Variants in SORCS2 observed in about 807,000 individuals in gnomAD.
The protein encoded by SORCS2 is sortilin related VPS10 domain containing receptor 2, also known as VPS10 domain-containing receptor SorCS2.
In SORCS2, 100 loss-of-function variants were observed where a neutral mutation model predicts 141.6. The ratio of observed to expected loss-of-function variants is 0.71; its 90% CI spans 0.60 to 0.83. The LOEUF (loss-of-function observed/expected upper bound fraction) is 0.83. Ranked by LOEUF, SORCS2 falls within the 40% of genes least tolerant of loss-of-function variation. SORCS2 has a pLI of 0.00. For synonymous variants in SORCS2, 789 were observed against 676.9 expected (o/e 1.17, Z -2.57); for missense variants, 1,646 against 1,560.2 (o/e 1.05, Z -0.93).
chr4:7,447,295 G>A (rs1176686476), intron 2 of SORCS2, among the ~76,000 whole-genome samples: 1 of 152,176 alleles, frequency 6.6e-6, no homozygotes, highest in Non-Finnish European at 1.5e-5. Context: ...TCCCCTGCCT[G>A]TGTGAGCTGA....
intron 2 of SORCS2, among the ~76,000 whole-genome samples, chr4:7,501,852 A>G (rs1443712320): frequency 6.6e-6 from 1 of 152,204 alleles, no homozygotes; most frequent in Non-Finnish European, 1.5e-5. Context: ...CTTAATTTCT[A>G]CTGTAATTAC....
At chr4:7,373,079 A>G (rs867557213) in intron 1 of SORCS2, among the ~76,000 whole-genome samples, 4 of 145,454 alleles carry the variant, frequency 2.8e-5, no homozygotes, top group African/African-American at 5.1e-5. Flanking sequence ...GTGTGGATGT[A>G]TGCTTCATTG....
At chr4:7,383,526 T>C (rs1393047413) in intron 1 of SORCS2, among the ~76,000 whole-genome samples, 9 of 152,322 alleles carry the variant, frequency 5.9e-5, no homozygotes, top group Middle Eastern at 6.8e-3. Context: ...GGGGAGAGCA[T>C]TGGAGCCTGG....
At position 7,648,438 on chromosome 4, in the gene SORCS2, G is replaced by T. The variant is rs1199075661; in HGVS notation, c.814-5696G>T. ...CAGAGTAGGCCTGATGTCACCCCCA[G>T]GCAGCAGCGACCTTGGGACTCAGCC... On this transcript the variant is annotated intron_variant, in intron 4 of 26. Coordinates refer to ENST00000507866, the MANE Select transcript of SORCS2 (RefSeq NM_020777.3). The surrounding 1 kb of genome is among the most constrained non-coding windows in gnomAD (Gnocchi z 4.2). 2.6e-5 allele frequency among the ~76,000 whole-genome samples: 4 copies of T among 152,114 alleles called. No individual in the cohort carries two copies. The highest frequency in any genetic ancestry group is 9.7e-5 in the African/African-American group (4 of 41,414).
intron 2 of SORCS2, among the ~76,000 whole-genome samples, chr4:7,457,364 G>C (rs1302941540): frequency 6.6e-6 from 1 of 152,232 alleles, no homozygotes; most frequent in Non-Finnish European, 1.5e-5. Context: ...CAGCACCTGG[G>C]CCCCGAGTGG....
intron 10 of SORCS2, among the ~76,000 whole-genome samples, chr4:7,688,143 A>G (rs2108980812): frequency 6.6e-6 from 1 of 152,348 alleles, no homozygotes. Flanking sequence ...TTCATGGGCC[A>G]GAAGAAAGTG....
chr4:7,486,701 G>T (rs764806163), intron 2 of SORCS2, among the ~76,000 whole-genome samples: 1 of 152,162 alleles, frequency 6.6e-6, no homozygotes, highest in South Asian at 2.1e-4. Flanking sequence ...GCCTCCAAAG[G>T]AGGATCCCTC....
intron 8 of SORCS2, among the ~76,000 whole-genome samples, chr4:7,673,555 G>GA (rs960418051): frequency 9.9e-5 from 15 of 152,242 alleles, no homozygotes; most frequent in African/African-American, 2.9e-4. Context: ...AACTACACAT[G>GA]AAAAAAATAT....
intron 25 of SORCS2, 87 bp from the exon 26 acceptor site, chr4:7,736,982 T>C (rs1712231386): frequency 1.3e-6 from 2 of 1,506,338 alleles, no homozygotes; most frequent in Non-Finnish European, 1.8e-6. Flanking sequence ...CCACACTCGG[T>C]GTGGTCAGGC....
Position 7,249,134 on chromosome 4 carries a change from C to G in SORCS2, c.480+56008C>G, listed in dbSNP as rs549595374. ...TGGTTATATGGGTTAACTGGATCCC[C>G]TGAATAGTTCTTGCTTGCTTGTGTT... On this transcript the variant is annotated intron_variant, in intron 1 of 26. Coordinates refer to ENST00000507866, the MANE Select transcript of SORCS2 (RefSeq NM_020777.3). Among the ~76,000 whole-genome samples, 3 of 152,314 alleles carry G rather than the reference C, an allele frequency of 2.0e-5. No individual in the cohort carries two copies. In the East Asian group the frequency reaches 5.8e-4, roughly 29 times the overall value.
chr4:7,565,062 G>A (rs1459619125), intron 3 of SORCS2, among the ~76,000 whole-genome samples: 2 of 152,138 alleles, frequency 1.3e-5, no homozygotes, highest in Non-Finnish European at 2.9e-5. Context: ...TAGCTACCTC[G>A]AGCCAAAGGT....
intron 1 of SORCS2, among the ~76,000 whole-genome samples, chr4:7,356,495 G>C (rs1245962380): frequency 6.6e-6 from 1 of 152,014 alleles, no homozygotes; most frequent in Non-Finnish European, 1.5e-5. Context: ...GAGAGATGGA[G>C]AGAGATGGAG....
rs77212556 is a variant in SORCS2 at position 7,361,783 on chromosome 4, C to T, written c.481-34505C>T. ...GTGGCTAAGAAAAAAAAAAACACAA[C>T]GAACGCAGGTGGAATGCTAATGCCG... On this transcript the variant is annotated intron_variant, in intron 1 of 26. Transcript: ENST00000507866. Among the ~76,000 whole-genome samples the T allele has an allele frequency of 1.4e-3, 210 of 151,722 alleles. 1 individual carries two copies. The highest frequency in any genetic ancestry group is 4.3e-3 in the African/African-American group (179 of 41,388).
chr4:7,215,041 C>T (rs982688054), intron 1 of SORCS2, among the ~76,000 whole-genome samples: 6 of 152,066 alleles, frequency 3.9e-5, no homozygotes. Flanking sequence ...CTTGAGGAGC[C>T]CTTCAGCCCA....
chr4:7,714,395 A>G, intron 16 of SORCS2, 22 bp downstream of exon 16: 1 of 1,547,232 alleles, frequency 6.5e-7, no homozygotes, highest in East Asian at 2.4e-5. Flanking sequence ...GCTCCTGGCC[A>G]CGAGGCCTCA....
rs144933241 is a variant in SORCS2, at chr4:7,543,487, T to TCATCCATC, written c.648+11884_648+11891dup. Among the ~76,000 whole-genome samples the TCATCCATC allele has an allele frequency of 4.3e-3, 487 of 114,142 alleles. 8 individuals carry two copies. Among genetic ancestry groups the TCATCCATC allele is most frequent in the African/African-American group, 0.015 (419 of 27,662 alleles). The allele number at this position is 114,142 out of a possible 152,430, so 74.9% of individuals were successfully genotyped here. ...TCCACCCACCCATCCATTCACCCAC[T>TCATCCATC]CATCCATCCATCCATCCATCCATCC... On this transcript the variant is annotated intron_variant, in intron 3 of 26. Transcript: ENST00000507866.
In SORCS2 at chr4:7,203,515, C is replaced by T. The variant is rs1040884512; in HGVS notation, c.480+10389C>T. ...GCCTGGGCGACAGAGCAAGACTCTG[C>T]CTCAAAAAAAATTCTTTTTTCTTTA... is the stretch of plus-strand genomic sequence containing the variant. On this transcript the variant is annotated intron_variant, in intron 1 of 26. Coordinates refer to ENST00000507866, the MANE Select transcript of SORCS2 (RefSeq NM_020777.3). Among the ~76,000 whole-genome samples, 4 of 145,416 alleles carry T rather than the reference C, an allele frequency of 2.8e-5. No homozygotes were observed. In the East Asian group the frequency reaches 8.1e-4, roughly 30 times the overall value.
At chr4:7,292,223 C>T (rs1291307383) in intron 1 of SORCS2, among the ~76,000 whole-genome samples, 5 of 152,058 alleles carry the variant, frequency 3.3e-5, no homozygotes, top group South Asian at 2.1e-4. Context: ...CCCCACCATT[C>T]GCAGTCCGTT....
chr4:7,449,740 G>C (rs1560294345), intron 2 of SORCS2, among the ~76,000 whole-genome samples: 1 of 152,068 alleles, frequency 6.6e-6, no homozygotes, highest in Non-Finnish European at 1.5e-5. Flanking sequence ...CAGAGTCTGT[G>C]CTGTCTCCAG....
Sources: gnomAD v4.1 joint callset for allele counts (sites outside exome capture counted in the v4.1 genomes callset) on GRCh38, gnomAD v4.1.1 for gene constraint, Gnocchi (gnomAD v3.1) non-coding constraint, MANE v1.5 for transcripts, NCBI Gene and HGNC (gene_info 2026-07-23, HGNC 2026-07-21) for gene names.